PCDHGA3: variants seen among roughly 807,000 people sequenced by gnomAD.
PCDHGA3 encodes the protein protocadherin gamma subfamily A, 3, also known as protocadherin gamma-A3.
In PCDHGA3, 40 loss-of-function variants were observed where a neutral mutation model predicts 58.5. That is an observed-to-expected ratio of 0.68 (90% CI 0.53 to 0.89). PCDHGA3 has a LOEUF of 0.89. PCDHGA3 is among the 40% of genes least tolerant of loss of function. The pLI is 0.00. For synonymous variants in PCDHGA3, 530 were observed against 525.7 expected (o/e 1.01, Z -0.11); for missense variants, 1,223 against 1,195.9 (o/e 1.02, Z -0.33).
intron 1 of PCDHGA3, chr5:141,389,862 C>CGTGG (rs2091951757): frequency 6.2e-7 from 1 of 1,613,964 alleles, no homozygotes; most frequent in Non-Finnish European, 8.5e-7. Flanking sequence ...CACGTTGCAC[C>CGTGG]TGGTCTTCGC....
At chr5:141,483,980 G>A (rs1379963326) in intron 1 of PCDHGA3, among the ~76,000 whole-genome samples, 4 of 148,294 alleles carry the variant, frequency 2.7e-5, no homozygotes, top group Non-Finnish European at 5.9e-5. Flanking sequence ...CAAGGGAGTA[G>A]CTAGGTTGCT....
intron 1 of PCDHGA3, among the ~76,000 whole-genome samples, chr5:141,466,815 A>G (rs1019952491): frequency 1.3e-5 from 2 of 152,182 alleles, no homozygotes; most frequent in Non-Finnish European, 2.9e-5. Flanking sequence ...CAGACATGGT[A>G]TAACAAGTTA....
At position 141,476,097 on chromosome 5, in the gene PCDHGA3, A is replaced by G. The variant is rs1366023758; in HGVS notation, c.2425-18710A>G. 1 of 1,571,812 alleles carries G rather than the reference A, an allele frequency of 6.4e-7. No individual in the cohort carries two copies. Among genetic ancestry groups the G allele is most frequent in the African/African-American group, 1.4e-5 (1 of 73,826 alleles). ...CAGGGACGATCTGGACCCCGCTGAG[A>G]GGAACTGCTTTTGAGTGAGATGGTC... On this transcript the variant is annotated intron_variant, in intron 1 of 3. Coordinates refer to ENST00000253812, the MANE Select transcript of PCDHGA3 (RefSeq NM_018916.4). The surrounding 1 kb of genome is among the most constrained non-coding windows in gnomAD (Gnocchi z 7.6).
intron 2 of PCDHGA3, among the ~76,000 whole-genome samples, chr5:141,495,430 C>A (rs1189953474): frequency 6.6e-6 from 1 of 152,220 alleles, no homozygotes; most frequent in Non-Finnish European, 1.5e-5. Context: ...TCCCACTGTC[C>A]TCTGCCCCTA....
intron 1 of PCDHGA3, chr5:141,418,939 C>G: frequency 6.2e-7 from 1 of 1,613,760 alleles, no homozygotes; most frequent in Non-Finnish European, 8.5e-7. Context: ...TGGAGGATTC[C>G]CCTCCAGGAG....
At chr5:141,467,008 AT>A (rs1165146249) in intron 1 of PCDHGA3, among the ~76,000 whole-genome samples, 2 of 150,270 alleles carry the variant, frequency 1.3e-5, no homozygotes, top group Non-Finnish European at 3.0e-5. Context: ...TTGCAATGCA[AT>A]TTTTTTCCCT....
Position 141,355,831 on chromosome 5 carries a change from G to A in PCDHGA3, c.2424+9374G>A, listed in dbSNP as rs1289271029. On this transcript the variant is annotated intron_variant, in intron 1 of 3. Coordinates refer to ENST00000253812, the MANE Select transcript of PCDHGA3 (RefSeq NM_018916.4). ...CGAGGAAGAGGCGGTTCACCACCTC[G>A]TTCTCACGGCCTTCGATGGAGGTGA... 1 of 1,612,566 alleles carries A rather than the reference G, an allele frequency of 6.2e-7. No individual in the cohort carries two copies. The highest frequency in any genetic ancestry group is 1.3e-5 in the African/African-American group (1 of 75,008).
Position 141,345,361 on chromosome 5 carries a change from T to C in PCDHGA3, c.1328T>C (p.Ile443Thr). The C allele has an allele frequency of 6.2e-7, 1 of 1,613,952 alleles. No individual in the cohort carries two copies. The highest frequency in any genetic ancestry group is 8.5e-7 in the Non-Finnish European group (1 of 1,179,958). Residue 443 changes from isoleucine (I) to threonine (T), a missense_variant, in exon 1 of 4, where the codon ATT becomes ACT. Transcript: ENST00000253812. Reference sequence around the variant, plus strand: ...GAAACTCACATCACCCTGCATGTGATTGACATCAATGACAACCCACCCACC... The same window carrying C: ...GAAACTCACATCACCCTGCATGTGACTGACATCAATGACAACCCACCCACC... ...STETHITLHV[I>T]DINDNPPTFP...
At chr5:141,413,306 A>G in intron 1 of PCDHGA3, 1 of 1,613,958 alleles carries the variant, frequency 6.2e-7, no homozygotes, top group Non-Finnish European at 8.5e-7. Context: ...GAGGAATTAG[A>G]GAAAGGCTCT....
chr5:141,360,821 G>T, intron 1 of PCDHGA3: 1 of 1,613,924 alleles, frequency 6.2e-7, no homozygotes, highest in Non-Finnish European at 8.5e-7. Flanking sequence ...ACCCAAATCC[G>T]AATCAAAGTC....
Position 141,360,946 on chromosome 5 carries a change from G to A in PCDHGA3, c.2424+14489G>A, listed in dbSNP as rs371775713. ...TCAAGTGACAGCCACCGACCGGGAT[G>A]AAGGCATAAACGCAGAGATCACCTA... On this transcript the variant is annotated intron_variant, in intron 1 of 3. Coordinates refer to ENST00000253812, the MANE Select transcript of PCDHGA3 (RefSeq NM_018916.4). The A allele has an allele frequency of 1.4e-5, 22 of 1,613,850 alleles. No individual in the cohort carries two copies. In the African/African-American group the frequency reaches 2.4e-4, roughly 18 times the overall value.
chr5:141,456,043 G>A (rs62379189), intron 1 of PCDHGA3, among the ~76,000 whole-genome samples: 6,917 of 151,746 alleles, frequency 0.046, 202 homozygotes, highest in Middle Eastern at 0.086. Flanking sequence ...GACTACAGGC[G>A]CCCACCACCA....
chr5:141,423,474 T>C, intron 1 of PCDHGA3: 1 of 1,614,004 alleles, frequency 6.2e-7, no homozygotes, highest in Non-Finnish European at 8.5e-7. Flanking sequence ...GGGTACAGGC[T>C]TTCCTGCAAA....
intron 1 of PCDHGA3, chr5:141,413,804 CCATTCACCACCTGGTCCTCA>C: frequency 1.2e-6 from 2 of 1,613,194 alleles, no homozygotes; most frequent in Non-Finnish European, 1.7e-6. Flanking sequence ...GAGGAAGAGG[CCATTCACCACCTGGTCCTCA>C]CCGCCTCCGA....
chr5:141,390,207 C>G (rs1359982168), intron 1 of PCDHGA3: 5 of 1,614,028 alleles, frequency 3.1e-6, no homozygotes, highest in African/African-American at 1.3e-5. Flanking sequence ...GAGTTCAGGA[C>G]AAGACATACT....
chr5:141,355,162 G>A (rs1759735186), intron 1 of PCDHGA3: 1 of 1,562,626 alleles, frequency 6.4e-7, no homozygotes, highest in African/African-American at 1.4e-5. Flanking sequence ...CTCGACAGAG[G>A]GAAAACCGAA....
intron 1 of PCDHGA3, chr5:141,359,944 G>T: frequency 2.0e-6 from 1 of 508,210 alleles, no homozygotes; most frequent in Non-Finnish European, 3.2e-6. Flanking sequence ...CGTCGCTGTT[G>T]GTCAAAAGAA....
intron 1 of PCDHGA3, chr5:141,409,742 G>T (rs763304955): frequency 5.0e-6 from 8 of 1,612,988 alleles, no homozygotes; most frequent in African/African-American, 1.3e-5. Flanking sequence ...GAGCGGGGTG[G>T]TGTTCGCGCA....
In PCDHGA3 at chr5:141,345,617, A is replaced by G; in HGVS notation, c.1584A>G (p.Leu528=). ...RSFDYEQFRD[L]KLLVTASDSG... The stretch of plus-strand genomic sequence containing the variant: ...TCGACTACGAGCAATTTAGAGACTT[A>G]AAGCTACTGGTGACAGCCAGCGACA... The change falls in exon 1 of 4, where the codon TTA becomes TTG. Residue 528 remains leucine, a synonymous_variant. Coordinates refer to ENST00000253812, the MANE Select transcript of PCDHGA3 (RefSeq NM_018916.4). The G allele has an allele frequency of 6.2e-7, 1 of 1,614,162 alleles. No homozygotes were observed. The highest frequency in any genetic ancestry group is 8.5e-7 in the Non-Finnish European group (1 of 1,180,030).
Sources: gnomAD v4.1 joint callset for allele counts (sites outside exome capture counted in the v4.1 genomes callset) on GRCh38, gnomAD v4.1.1 for gene constraint, Gnocchi (gnomAD v3.1) non-coding constraint, MANE v1.5 for transcripts, NCBI Gene and HGNC (gene_info 2026-07-23, HGNC 2026-07-21) for gene names.